The following ANKFN1 variants were observed in gnomAD, a reference collection of about 807,000 sequenced individuals.
ANKFN1 encodes ankyrin repeat and fibronectin type III domain containing 1.
In ANKFN1, 74 loss-of-function variants were observed where a neutral mutation model predicts 108.7. The ratio of observed to expected loss-of-function variants is 0.68; its 90% CI spans 0.56 to 0.83. The LOEUF is 0.83. ANKFN1 is among the 40% of genes least tolerant of loss of function. The pLI is 0.00. For missense variants in ANKFN1, 1,505 were observed against 1,382.3 expected, an observed-to-expected ratio of 1.09 and a Z score of -1.41; for synonymous variants, 547 against 516.2, an observed-to-expected ratio of 1.06 and a Z score of -0.81.
In ANKFN1 at chr17:56,498,910, GATGGATC is replaced by G. The variant is rs1360048409; in HGVS notation, c.2463_2469del (p.Ile821MetfsTer20). On this transcript the variant is annotated frameshift_variant, in exon 20 of 21. Transcript: ENST00000682825. LOFTEE classifies it high-confidence loss of function. ...ATAGATGAAGTCTGGCGTGAAATGA[GATGGATC>G]ATGGATGCTCTACAGTATGCAAGAT... 6.5e-7 allele frequency: 1 copy of G among 1,535,670 alleles called. No individual in the cohort carries two copies. The highest frequency in any genetic ancestry group is 1.2e-5 in the South Asian group (1 of 84,054).
chr17:56,362,783 C>T (rs1174931616), intron 6 of ANKFN1, among the ~76,000 whole-genome samples: 2 of 152,008 alleles, frequency 1.3e-5, no homozygotes, highest in Non-Finnish European at 2.9e-5. Context: ...TTTTTCACAG[C>T]AAAGGAAACA....
intron 16 of ANKFN1, among the ~76,000 whole-genome samples, 172 bp downstream of exon 16, chr17:56,477,826 TTTG>T (rs757295680): frequency 6.6e-5 from 10 of 151,918 alleles, no homozygotes; most frequent in Non-Finnish European, 1.2e-4. Context: ...TTTTTTTTGT[TTTG>T]TTGTTGTTGT....
chr17:56,163,016 C>T (rs748849474), intron 1 of ANKFN1, among the ~76,000 whole-genome samples: 5 of 144,808 alleles, frequency 3.5e-5, no homozygotes, highest in Non-Finnish European at 4.5e-5. Flanking sequence ...GCCTGGGTGA[C>T]GAGAGTGAGA....
At chr17:56,295,339 G>C (rs1447846890) in intron 3 of ANKFN1, among the ~76,000 whole-genome samples, 1 of 152,220 alleles carries the variant, frequency 6.6e-6, no homozygotes, top group Non-Finnish European at 1.5e-5. Flanking sequence ...CCTTTCTCCA[G>C]AGTCAAGCCT....
At chr17:56,238,288 A>G (rs923149432) in intron 3 of ANKFN1, among the ~76,000 whole-genome samples, 1 of 152,144 alleles carries the variant, frequency 6.6e-6, no homozygotes, top group Non-Finnish European at 1.5e-5. Context: ...TATCAGATCC[A>G]TTTGGTCCAA....
intron 3 of ANKFN1, among the ~76,000 whole-genome samples, chr17:56,299,944 T>G (rs1321361672): frequency 6.6e-6 from 1 of 152,232 alleles, no homozygotes; most frequent in Non-Finnish European, 1.5e-5. Flanking sequence ...ACAAAAAGTT[T>G]ATACTTGTCA....
chr17:56,312,386 G>A (rs1042956430), intron 3 of ANKFN1, among the ~76,000 whole-genome samples: 1 of 152,102 alleles, frequency 6.6e-6, no homozygotes, highest in Non-Finnish European at 1.5e-5. Context: ...GCCAATCCCA[G>A]GAGACCTCAG....
At chr17:56,439,606 T>C (rs888392502) in intron 8 of ANKFN1, among the ~76,000 whole-genome samples, 1 of 151,946 alleles carries the variant, frequency 6.6e-6, no homozygotes, top group Non-Finnish European at 1.5e-5. Flanking sequence ...TGAAAAGGCT[T>C]GGAAGAAGCT....
At position 56,220,820 on chromosome 17, in the gene ANKFN1, A is replaced by C. The variant is rs1354463397; in HGVS notation, c.13-7097A>C. ...GAAGGGAGGGAGGGAGGAAGGAAGG[A>C]AGGAAGGAAGGGAGGAAGGGAGGGA... On this transcript the variant is annotated intron_variant, in intron 2 of 20. Transcript: ENST00000682825. 1.1e-4 allele frequency among the ~76,000 whole-genome samples: 6 copies of C among 54,122 alleles called. 1 individual carries two copies. The highest frequency in any genetic ancestry group is 6.8e-4 in the Admixed American group (3 of 4,388). 35.5% of individuals were successfully genotyped at this position (54,122 alleles called of 152,430 possible). A position where few individuals can be genotyped will look rare whatever the true frequency, so the allele number is the denominator to read the frequency against.
At chr17:56,382,732 A>AT in intron 8 of ANKFN1, among the ~76,000 whole-genome samples, 2 of 152,348 alleles carry the variant, frequency 1.3e-5, no homozygotes, top group Admixed American at 1.3e-4. Flanking sequence ...GAGACAAAGA[A>AT]GGCCATTACA....
chr17:56,448,910 C>A (rs1471179006), intron 10 of ANKFN1, among the ~76,000 whole-genome samples, 169 bp from the exon 11 acceptor site: 1 of 152,206 alleles, frequency 6.6e-6, no homozygotes, highest in African/African-American at 2.4e-5. Flanking sequence ...GAGCTCTGAA[C>A]AATGGCAGCT....
chr17:56,267,854 T>G (rs901603618), intron 3 of ANKFN1, among the ~76,000 whole-genome samples: 1 of 152,200 alleles, frequency 6.6e-6, no homozygotes, highest in Non-Finnish European at 1.5e-5. Flanking sequence ...TTTTTTTCAC[T>G]TAGGATTGCT....
At chr17:56,341,451 T>C (rs111247868) in intron 4 of ANKFN1, among the ~76,000 whole-genome samples, 333 of 152,288 alleles carry the variant, frequency 2.2e-3, no homozygotes, top group African/African-American at 7.6e-3. Flanking sequence ...TTGTCATACA[T>C]GGCTCTTATT....
At chr17:56,393,930 A>AG (rs2047507346) in intron 8 of ANKFN1, among the ~76,000 whole-genome samples, 1 of 152,154 alleles carries the variant, frequency 6.6e-6, no homozygotes. Context: ...CCATTCCTTT[A>AG]CCAGTCAACA....
At chr17:56,170,787 TATA>T (rs1222985738) in intron 1 of ANKFN1, among the ~76,000 whole-genome samples, 1 of 68,240 alleles carries the variant, frequency 1.5e-5, no homozygotes, top group Non-Finnish European at 3.1e-5. Flanking sequence ...TATATATATA[TATA>T]TATATATATA....
intron 3 of ANKFN1, among the ~76,000 whole-genome samples, chr17:56,321,461 G>C (rs967822052): frequency 1.0e-5 from 1 of 99,028 alleles, no homozygotes; most frequent in Non-Finnish European, 2.3e-5. Context: ...CACTCCCTAA[G>C]AAAAAAAAAA....
intron 3 of ANKFN1, among the ~76,000 whole-genome samples, chr17:56,260,620 A>T (rs1028310932): frequency 3.9e-5 from 6 of 152,220 alleles, no homozygotes; most frequent in African/African-American, 1.4e-4. Context: ...ATGGGGTTTA[A>T]AAATGAAGGA....
At chr17:56,050,525 G>A (rs556441078) in intron 4 of ANKFN1, among the ~76,000 whole-genome samples, 1 of 145,262 alleles carries the variant, frequency 6.9e-6, no homozygotes, top group Non-Finnish European at 1.5e-5. Flanking sequence ...TATGGTTTTA[G>A]GTCTAACGTT....
intron 1 of ANKFN1, among the ~76,000 whole-genome samples, chr17:56,157,366 C>T (rs565759747): frequency 6.6e-6 from 1 of 152,310 alleles, no homozygotes; most frequent in African/African-American, 2.4e-5. Context: ...ATGTGCACTG[C>T]TGAGTGGGTC....
Sources: gnomAD v4.1 joint callset for allele counts (sites outside exome capture counted in the v4.1 genomes callset) on GRCh38, gnomAD v4.1.1 for gene constraint, MANE v1.5 for transcripts, NCBI Gene and HGNC (gene_info 2026-07-23, HGNC 2026-07-21) for gene names.